Variants in DSG3 observed in about 807,000 individuals in gnomAD.
The protein encoded by DSG3 is desmoglein-3.
DSG3 carries 63 observed loss-of-function variants against 85.9 expected under a neutral mutation model. The observed-to-expected ratio is 0.73, with a 90% confidence interval of 0.60 to 0.90. DSG3 has a LOEUF of 0.90. Among genes scored for constraint, DSG3 ranks in the 40% least tolerant of loss-of-function variants. DSG3 has a pLI of 0.00. For missense variants in DSG3, 1,220 were observed against 1,219.9 expected (o/e 1.00, Z 0.00); for synonymous variants, 447 against 441.9 (o/e 1.01, Z -0.14).
Position 31,461,217 on chromosome 18 carries a change from G to T in DSG3, c.814-10G>T. ...CATTAGGTCTTTAATTCTGCTTCTC[G>T]CCTTTTCAGTATTCAGCACGTATTG... On this transcript the variant is annotated splice_polypyrimidine_tract_variant and intron_variant, in intron 7 of 15. Coordinates refer to ENST00000257189, the MANE Select transcript of DSG3 (RefSeq NM_001944.3). 6.2e-7 allele frequency: 1 copy of T among 1,602,306 alleles called. No homozygotes were observed. Among genetic ancestry groups the T allele is most frequent in the Non-Finnish European group, 8.5e-7 (1 of 1,174,654 alleles).
At chr18:31,474,472 AT>A (rs1016071680) in intron 15 of DSG3, 68 bp downstream of exon 15, 14 of 1,505,542 alleles carry the variant, frequency 9.3e-6, no homozygotes, top group Non-Finnish European at 8.9e-7. Context: ...ATTTGATTAT[AT>A]ACTTCAGTTT....
intron 9 of DSG3, 85 bp downstream of exon 9, chr18:31,464,467 G>A: frequency 1.5e-6 from 2 of 1,376,892 alleles, no homozygotes; most frequent in East Asian, 2.4e-5. Context: ...ACTATTATGT[G>A]CCAAGAATAG....
chr18:31,456,629 A>G (rs1336365231), intron 2 of DSG3, among the ~76,000 whole-genome samples, 154 bp downstream of exon 2: 2 of 152,198 alleles, frequency 1.3e-5, no homozygotes, highest in African/African-American at 2.4e-5. Context: ...AACTGATAAC[A>G]ATATTTTAAA....
chr18:31,456,517 A>G, intron 2 of DSG3, 42 bp downstream of exon 2: 1 of 1,136,502 alleles, frequency 8.8e-7, no homozygotes, highest in Non-Finnish European at 1.2e-6. Context: ...ATAATAGTTT[A>G]GTTTAAAAAA....
At chr18:31,450,493 A>T (rs1445891838) in intron 1 of DSG3, among the ~76,000 whole-genome samples, 1 of 152,172 alleles carries the variant, frequency 6.6e-6, no homozygotes. Context: ...TGGGGGGGAA[A>T]AGCAATGTTT....
intron 10 of DSG3, 137 bp downstream of exon 10, chr18:31,465,594 A>G: frequency 1.3e-6 from 1 of 795,464 alleles, no homozygotes; most frequent in Non-Finnish European, 1.7e-6. Flanking sequence ...TTGGGCCTCA[A>G]GTTTGAGGCA....
intron 14 of DSG3, among the ~76,000 whole-genome samples, 161 bp from the exon 15 acceptor site, chr18:31,473,960 C>T (rs1002637852): frequency 6.6e-6 from 1 of 152,164 alleles, no homozygotes; most frequent in Non-Finnish European, 1.5e-5. Flanking sequence ...GTGACTCTCA[C>T]ATAACACATT....
Position 31,472,518 on chromosome 18 carries a change from C to T in DSG3, c.2037+95C>T, listed in dbSNP as rs2072862394. 3.5e-6 allele frequency: 5 copies of T among 1,447,686 alleles called. No homozygotes were observed. The East Asian group carries it at 9.7e-5, about 28-fold the overall frequency. The allele number at this position is 1,447,686 out of a possible 1,614,324, so 89.7% of individuals were successfully genotyped here. The stretch of plus-strand genomic sequence containing the variant: ...GAAAAGAGGCAAAGAGATTTCTTGA[C>T]CTTCAGTTTCAGAGTCAGTGCTGAA... On this transcript the variant is annotated intron_variant, in intron 13 of 15. Transcript: ENST00000257189.
chr18:31,474,529 T>C (rs2072875514), intron 15 of DSG3, 125 bp downstream of exon 15: 1 of 1,272,674 alleles, frequency 7.9e-7, no homozygotes, highest in Non-Finnish European at 1.1e-6. Context: ...AAAAAATGGT[T>C]TGTTTGTTTT....
At chr18:31,465,187 T>C in intron 9 of DSG3, 131 bp from the exon 10 acceptor site, 2 of 647,876 alleles carry the variant, frequency 3.1e-6, no homozygotes, top group Non-Finnish European at 4.5e-6. Flanking sequence ...TCTGTTGCTT[T>C]TTATAAAAGC....
intron 8 of DSG3, among the ~76,000 whole-genome samples, chr18:31,461,960 C>T (rs76687013): frequency 1.3e-5 from 2 of 152,152 alleles, no homozygotes; most frequent in Non-Finnish European, 2.9e-5. Flanking sequence ...ATGACAGACT[C>T]CTTATCTGAG....
chr18:31,459,236 C>T (rs2144269653), intron 5 of DSG3, 59 bp downstream of exon 5: 1 of 1,455,418 alleles, frequency 6.9e-7, no homozygotes, highest in South Asian at 1.3e-5. Flanking sequence ...ATGAGTCCCA[C>T]TACAATATGT....
chr18:31,467,614 T>C (rs1009666301), intron 11 of DSG3, among the ~76,000 whole-genome samples: 1 of 152,178 alleles, frequency 6.6e-6, no homozygotes, highest in Non-Finnish European at 1.5e-5. Context: ...TTGTACATTG[T>C]CTGTGCTTTC....
Position 31,458,543 on chromosome 18 carries a change from C to G in DSG3, c.315C>G (p.Asn105Lys). ...PPFGIFVVDK[N>K]TGDINITAIV... The stretch of plus-strand genomic sequence containing the variant: ...TTGGAATCTTTGTTGTTGACAAAAA[C>G]ACTGGAGATATTAACATAACAGCTA... The change falls in exon 4 of 16, where the codon AAC becomes AAG. Residue 105 changes from asparagine (N) to lysine (K), a missense_variant. Asn to Lys is a moderately conservative substitution (Grantham distance 94, BLOSUM62 0). Coordinates refer to ENST00000257189, the MANE Select transcript of DSG3 (RefSeq NM_001944.3). 6.2e-7 allele frequency: 1 copy of G among 1,614,012 alleles called. No homozygotes were observed. Among genetic ancestry groups the G allele is most frequent in the Non-Finnish European group, 8.5e-7 (1 of 1,179,940 alleles).
At position 31,459,037 on chromosome 18, in the gene DSG3, C is replaced by T. The variant is rs1044423394; in HGVS notation, c.377C>T (p.Thr126Ile). ...DREETPSFLITCRALNAQGLD... is the reference protein window; with the variant it reads ...DREETPSFLIICRALNAQGLD... ...ACATTTTCCCTCTGTTCCTAGATCA[C>T]ATGTCGGGCTCTAAATGCCCAAGGA... is the stretch of plus-strand genomic sequence containing the variant. The change falls in exon 5 of 16, where the codon ACA (threonine) becomes ATA (isoleucine). Residue 126 changes from threonine (T) to isoleucine (I), a missense_variant. Coordinates refer to ENST00000257189, the MANE Select transcript of DSG3 (RefSeq NM_001944.3). The T allele has an allele frequency of 3.1e-6, 5 of 1,613,230 alleles. No homozygotes were observed. In the African/African-American group the frequency reaches 6.7e-5, roughly 22 times the overall value.
At chr18:31,464,454 T>C in intron 9 of DSG3, 72 bp downstream of exon 9, 3 of 1,443,578 alleles carry the variant, frequency 2.1e-6, no homozygotes, top group Non-Finnish European at 2.8e-6. Context: ...ACATAACACA[T>C]AAACTATTAT....
chr18:31,470,295 A>G (rs1276639424), intron 12 of DSG3, among the ~76,000 whole-genome samples: 1 of 152,206 alleles, frequency 6.6e-6, no homozygotes, highest in Non-Finnish European at 1.5e-5. Flanking sequence ...ATGTGTAGAC[A>G]ACTACACATA....
intron 1 of DSG3, among the ~76,000 whole-genome samples, chr18:31,455,783 T>G (rs1172526743): frequency 2.0e-5 from 3 of 152,222 alleles, no homozygotes; most frequent in Non-Finnish European, 4.4e-5. Context: ...GGGGCCACTC[T>G]GAAAATTAAG....
intron 4 of DSG3, 144 bp from the exon 5 acceptor site, chr18:31,458,889 T>C (rs780618702): frequency 7.1e-6 from 8 of 1,119,554 alleles, no homozygotes; most frequent in Non-Finnish European, 8.8e-6. Flanking sequence ...CAGGCACCTT[T>C]TTCCACTTTG....
Sources: allele counts gnomAD v4.1 joint callset (sites outside exome capture counted in the v4.1 genomes callset), GRCh38; gene constraint gnomAD v4.1.1; transcripts MANE v1.5; gene names NCBI Gene and HGNC (gene_info 2026-07-23, HGNC 2026-07-21).